The following STPG2 variants were observed in gnomAD, a reference collection of about 807,000 sequenced individuals.
STPG2 encodes sperm tail PG-rich repeat containing 2.
STPG2 carries 56 observed loss-of-function variants against 54.2 expected under a neutral mutation model. The ratio of observed to expected loss-of-function variants is 1.03; its 90% CI spans 0.83 to 1.29. The LOEUF (loss-of-function observed/expected upper bound fraction) is 1.29. STPG2 is among the 50% of genes most tolerant of loss of function. STPG2 has a pLI of 0.00. For synonymous variants in STPG2, 200 were observed against 181.8 expected (o/e 1.10, Z -0.81); for missense variants, 596 against 544.9 (o/e 1.09, Z -0.93).
chr4:97,752,207 T>C (rs539333843), intron 9 of STPG2, among the ~76,000 whole-genome samples: 3 of 151,858 alleles, frequency 2.0e-5, no homozygotes, highest in African/African-American at 7.2e-5. Context: ...TATAGAAATT[T>C]TAGTGTACAG....
intron 9 of STPG2, among the ~76,000 whole-genome samples, chr4:97,739,070 C>A (rs1457650562): frequency 3.9e-5 from 6 of 151,972 alleles, no homozygotes; most frequent in African/African-American, 1.2e-4. Context: ...CACTCAAAAC[C>A]GCTCAACTAC....
chr4:98,090,805 A>G (rs1738662833), intron 5 of STPG2, among the ~76,000 whole-genome samples: 1 of 151,998 alleles, frequency 6.6e-6, no homozygotes, highest in Admixed American at 6.6e-5. Context: ...ATCCCAGATT[A>G]AGTCCCTAAT....
chr4:97,745,617 T>G (rs919521734), intron 9 of STPG2, among the ~76,000 whole-genome samples: 11 of 151,204 alleles, frequency 7.3e-5, no homozygotes, highest in Non-Finnish European at 1.2e-4. Flanking sequence ...TCTAAAAAAC[T>G]GTTCTCTTAA....
intron 4 of STPG2, among the ~76,000 whole-genome samples, chr4:97,521,545 A>G (rs1276303801): frequency 1.3e-5 from 2 of 152,062 alleles, no homozygotes; most frequent in Non-Finnish European, 2.9e-5. Flanking sequence ...AGATGACGCG[A>G]ATATGACAGT....
chr4:97,442,455 G>A (rs10016725), intron 4 of STPG2, among the ~76,000 whole-genome samples: 12,582 of 152,028 alleles, frequency 0.083, 747 homozygotes, highest in African/African-American at 0.17. Context: ...AATTAAAGTA[G>A]GGAGACTCCA....
rs150619013 is a variant in STPG2 at position 97,742,519 on chromosome 4, CTGTGTGTGTG to C, written c.1205-29715_1205-29706del. Among the ~76,000 whole-genome samples the C allele has an allele frequency of 8.0e-3, 997 of 125,074 alleles. 22 individuals carry two copies. The highest frequency in any genetic ancestry group is 0.025 in the African/African-American group (857 of 33,862). The allele number at this position is 125,074 out of a possible 152,430, so 82.1% of individuals were successfully genotyped here. ...GTCCATCAATGGATGAATGAATAAA[CTGTGTGTGTG>C]TGTGTGTGTGTGTGTGTGTGTGTGT... On this transcript the variant is annotated intron_variant, in intron 9 of 10. Transcript: ENST00000295268.
intron 10 of STPG2, among the ~76,000 whole-genome samples, chr4:97,560,064 C>G (rs910090374): frequency 1.3e-5 from 2 of 152,080 alleles, no homozygotes; most frequent in African/African-American, 4.8e-5. Context: ...TTGATCAGGC[C>G]TTAATATCTG....
intron 8 of STPG2, among the ~76,000 whole-genome samples, chr4:97,940,331 T>C (rs1434965175): frequency 6.6e-6 from 1 of 152,214 alleles, no homozygotes; most frequent in African/African-American, 2.4e-5. Context: ...TTTCTGAATT[T>C]GACTGTTGGC....
chr4:97,691,045 G>A (rs1241400761), intron 10 of STPG2, among the ~76,000 whole-genome samples: 2 of 152,180 alleles, frequency 1.3e-5, no homozygotes. Context: ...CAGTTAGGAG[G>A]CAGGACTAAC....
At chr4:98,000,503 A>G (rs1735380438) in intron 5 of STPG2, among the ~76,000 whole-genome samples, 1 of 152,182 alleles carries the variant, frequency 6.6e-6, no homozygotes, top group African/African-American at 2.4e-5. Flanking sequence ...AAATATATAA[A>G]TTTGACTTGA....
chr4:97,844,985 T>A (rs1203647438), intron 8 of STPG2, among the ~76,000 whole-genome samples: 1 of 152,052 alleles, frequency 6.6e-6, no homozygotes, highest in Admixed American at 6.6e-5. Flanking sequence ...TATGTTTTTG[T>A]ACTTTACAAC....
chr4:98,130,718 C>T (rs947375856), intron 2 of STPG2, among the ~76,000 whole-genome samples: 65 of 151,718 alleles, frequency 4.3e-4, no homozygotes, highest in African/African-American at 1.5e-3. Context: ...GTCAGGAGAT[C>T]GAGACCATCC....
At chr4:98,060,909 A>C (rs1737632485) in intron 5 of STPG2, among the ~76,000 whole-genome samples, 1 of 152,200 alleles carries the variant, frequency 6.6e-6, no homozygotes. Context: ...CCATATACAA[A>C]AACTAACTCA....
At chr4:97,486,211 G>C (rs1427627425) in intron 4 of STPG2, among the ~76,000 whole-genome samples, 1 of 151,714 alleles carries the variant, frequency 6.6e-6, no homozygotes, top group Non-Finnish European at 1.5e-5. Flanking sequence ...CTTGGCAAAA[G>C]GAACAGTCAC....
chr4:97,534,324 G>A (rs1027682125), intron 4 of STPG2, among the ~76,000 whole-genome samples: 4 of 151,804 alleles, frequency 2.6e-5, no homozygotes, highest in Non-Finnish European at 4.4e-5. Flanking sequence ...CATTATATGC[G>A]GTTTTTCAAG....
chr4:97,613,414 T>TGTA (rs1407300951), intron 10 of STPG2, among the ~76,000 whole-genome samples: 3 of 151,934 alleles, frequency 2.0e-5, no homozygotes, highest in Non-Finnish European at 4.4e-5. Context: ...ATTATCACAC[T>TGTA]GTATAAGAAA....
intron 2 of STPG2, among the ~76,000 whole-genome samples, chr4:98,131,405 A>G (rs1739994483): frequency 6.6e-6 from 1 of 152,186 alleles, no homozygotes; most frequent in Admixed American, 6.5e-5. Flanking sequence ...ACAGTCACTC[A>G]AAATATATTT....
At chr4:97,613,475 C>CGTGTGTGTGTGTGTGT (rs70953075) in intron 10 of STPG2, among the ~76,000 whole-genome samples, 1 of 142,246 alleles carries the variant, frequency 7.0e-6, no homozygotes, top group Non-Finnish European at 1.6e-5. Context: ...AGTCATCACC[C>CGTGTGTGTGTGTGTGT]GTGTGTGTGT....
At chr4:97,507,841 A>G (rs1295632899) in intron 4 of STPG2, among the ~76,000 whole-genome samples, 1 of 152,074 alleles carries the variant, frequency 6.6e-6, no homozygotes, top group Non-Finnish European at 1.5e-5. Flanking sequence ...ATTGCCACAC[A>G]TCAAAGTGTT....
Sources: allele counts gnomAD v4.1 joint callset (sites outside exome capture counted in the v4.1 genomes callset), GRCh38; gene constraint gnomAD v4.1.1; transcripts MANE v1.5; gene names NCBI Gene and HGNC (gene_info 2026-07-23, HGNC 2026-07-21).